ODAD2: variants seen among roughly 807,000 people sequenced by gnomAD.
The protein encoded by ODAD2 is outer dynein arm-docking complex subunit 2.
A neutral mutation model predicts 106.8 loss-of-function variants in ODAD2; 89 were observed. That is an observed-to-expected ratio of 0.83 (90% CI 0.70 to 0.99). ODAD2 has a LOEUF of 0.99. Ranked by LOEUF, ODAD2 falls within the 50% of genes least tolerant of loss-of-function variation. The pLI, the probability that ODAD2 is intolerant of heterozygous loss-of-function variation, is 0.00. For synonymous variants in ODAD2, 404 were observed against 436.2 expected (o/e 0.93, Z 0.92); for missense variants, 1,168 against 1,238.5 (o/e 0.94, Z 0.85).
At chr10:27,820,716 A>G (rs947781964) in intron 19 of ODAD2, among the ~76,000 whole-genome samples, 4 of 150,046 alleles carry the variant, frequency 2.7e-5, no homozygotes, top group Admixed American at 2.7e-4. Flanking sequence ...GCTTCATTCT[A>G]TATCCCATAT....
intron 17 of ODAD2, among the ~76,000 whole-genome samples, chr10:27,883,957 A>G (rs1335052171): frequency 6.6e-6 from 1 of 151,806 alleles, no homozygotes; most frequent in Non-Finnish European, 1.5e-5. Flanking sequence ...GCCAACATAC[A>G]CATATGAGCA....
intron 10 of ODAD2, chr10:27,958,712 T>C (rs1192402556): frequency 1.0e-5 from 5 of 489,858 alleles, no homozygotes; most frequent in Non-Finnish European, 1.6e-5. Context: ...CTAACTACTT[T>C]GTGCTAAGCA....
chr10:27,871,310 G>A (rs1456778999), intron 17 of ODAD2, among the ~76,000 whole-genome samples: 19 of 152,160 alleles, frequency 1.2e-4, no homozygotes, highest in Admixed American at 1.2e-3. Context: ...TAGGTTGCCT[G>A]TTCACTCTGA....
chr10:27,874,865 G>A lies in ODAD2; in HGVS notation c.2611-12243C>T, dbSNP rs1436540393. On this transcript the variant is annotated intron_variant, in intron 17 of 19. Coordinates refer to ENST00000305242, the MANE Select transcript of ODAD2 (RefSeq NM_018076.5). ...TGCTCTTTTCGAGGAGTATCTTTGTGGTGTTCTCTGTATTTCCTGAATTTG... is the reference window on the plus strand; with the variant it reads ...TGCTCTTTTCGAGGAGTATCTTTGTAGTGTTCTCTGTATTTCCTGAATTTG... Among the ~76,000 whole-genome samples, 4 of 152,024 alleles carry A rather than the reference G, an allele frequency of 2.6e-5. No individual in the cohort carries two copies. The East Asian group carries it at 7.7e-4, about 29-fold the overall frequency.
At chr10:27,815,434 C>G (rs1318291589) in intron 19 of ODAD2, among the ~76,000 whole-genome samples, 1 of 152,174 alleles carries the variant, frequency 6.6e-6, no homozygotes, top group Non-Finnish European at 1.5e-5. Context: ...AAATTCCATC[C>G]CACTGACTCC....
At chr10:27,949,110 G>T (rs116828316) in intron 10 of ODAD2, among the ~76,000 whole-genome samples, 349 of 152,120 alleles carry the variant, frequency 2.3e-3, no homozygotes, top group African/African-American at 8.0e-3. Context: ...TTGCTAAGTT[G>T]AAATGAGCAA....
intron 17 of ODAD2, among the ~76,000 whole-genome samples, chr10:27,874,388 C>T (rs534955652): frequency 6.6e-6 from 1 of 152,224 alleles, no homozygotes; most frequent in Non-Finnish European, 1.5e-5. Context: ...GTGATTTGAT[C>T]CTGTCATTGT....
chr10:27,980,535 A>G (rs532798471), intron 7 of ODAD2, among the ~76,000 whole-genome samples: 2 of 152,300 alleles, frequency 1.3e-5, no homozygotes, highest in Non-Finnish European at 2.9e-5. Context: ...TTTCTTCAAA[A>G]AAGATATACA....
At chr10:27,837,214 A>G (rs761864532) in intron 19 of ODAD2, among the ~76,000 whole-genome samples, 1 of 152,220 alleles carries the variant, frequency 6.6e-6, no homozygotes, top group Non-Finnish European at 1.5e-5. Context: ...CTGTGACCAC[A>G]TGGTCCCGTA....
Position 27,983,908 on chromosome 10 carries a change from C to T in ODAD2, c.754G>A (p.Val252Met). The change falls in exon 6 of 20, where the codon GTG (valine) becomes ATG (methionine). Residue 252 changes from valine to methionine, a missense_variant. Physicochemically the swap from Val to Met is conservative, Grantham distance 21 (BLOSUM62 1). Coordinates refer to ENST00000305242, the MANE Select transcript of ODAD2 (RefSeq NM_018076.5). ...QIRGEICYVLVKPHDGETLCI... is the reference protein window; with the variant it reads ...QIRGEICYVLMKPHDGETLCI... ...AGAGTCTCACCATCGTGAGGTTTCA[C>T]CAGCACATAACAAATTTCCCCACGA... 1 of 1,609,468 alleles carries T rather than the reference C, an allele frequency of 6.2e-7. No homozygotes were observed. The highest frequency in any genetic ancestry group is 8.5e-7 in the Non-Finnish European group (1 of 1,178,874).
intron 19 of ODAD2, among the ~76,000 whole-genome samples, chr10:27,831,700 T>C (rs1837489875): frequency 6.6e-6 from 1 of 152,200 alleles, no homozygotes; most frequent in African/African-American, 2.4e-5. Flanking sequence ...CCTGGCCTCA[T>C]TCTTGGATGC....
At position 27,971,317 on chromosome 10, in the gene ODAD2, T is replaced by C. The variant is rs759657003; in HGVS notation, c.937-4A>G. 1 of 1,581,316 alleles carries C rather than the reference T, an allele frequency of 6.3e-7. No homozygotes were observed. The highest frequency in any genetic ancestry group is 2.2e-5 in the East Asian group (1 of 44,614). On this transcript the variant is annotated splice_region_variant and splice_polypyrimidine_tract_variant and intron_variant, in intron 7 of 19. Coordinates refer to ENST00000305242, the MANE Select transcript of ODAD2 (RefSeq NM_018076.5). ...GGTCTTCACTGAAGCTAATTCCCTT[T>C]ATTTAAAAAATGAGAATAATTTTTA...
chr10:27,843,204 A>G (rs1392900268), intron 19 of ODAD2, among the ~76,000 whole-genome samples: 1 of 152,214 alleles, frequency 6.6e-6, no homozygotes, highest in African/African-American at 2.4e-5. Flanking sequence ...AATAAGCTGA[A>G]GCTGTTTACT....
intron 17 of ODAD2, among the ~76,000 whole-genome samples, chr10:27,876,440 G>A (rs968811975): frequency 3.3e-5 from 5 of 152,184 alleles, no homozygotes; most frequent in African/African-American, 1.2e-4. Flanking sequence ...AACAGCGTCT[G>A]GAGTGGACCT....
chr10:27,970,770 T>C (rs1027743827), intron 8 of ODAD2, among the ~76,000 whole-genome samples: 3 of 151,974 alleles, frequency 2.0e-5, no homozygotes, highest in Admixed American at 1.3e-4. Context: ...TTGAGACCAG[T>C]CTGGCCAACA....
chr10:27,916,547 C>G (rs1239114269), intron 16 of ODAD2, among the ~76,000 whole-genome samples: 2 of 152,128 alleles, frequency 1.3e-5, no homozygotes, highest in Admixed American at 6.6e-5. Flanking sequence ...TCTGCCACCC[C>G]TGAGACAGCA....
chr10:27,870,005 A>G (rs1313884004), intron 17 of ODAD2, among the ~76,000 whole-genome samples: 1 of 152,124 alleles, frequency 6.6e-6, no homozygotes, highest in Non-Finnish European at 1.5e-5. Flanking sequence ...ATATATATAT[A>G]TATAGTTGGA....
intron 17 of ODAD2, among the ~76,000 whole-genome samples, chr10:27,867,483 T>C (rs1040406978): frequency 1.3e-5 from 2 of 151,866 alleles, no homozygotes; most frequent in African/African-American, 4.8e-5. Flanking sequence ...GCAGAGACAC[T>C]GGGATGAAGG....
chr10:27,934,994 C>T lies in ODAD2; in HGVS notation c.2495+16G>A, dbSNP rs183424928. On this transcript the variant is annotated intron_variant, in intron 16 of 19. Transcript: ENST00000305242. ...TAACACTTATATAAAATCTTTCCAT[C>T]TCCAGGGCCACTTACATCATACTTT... The T allele has an allele frequency of 6.2e-7, 1 of 1,613,562 alleles. No homozygotes were observed. Among genetic ancestry groups the T allele is most frequent in the East Asian group, 2.2e-5 (1 of 44,864 alleles).
Sources: gnomAD v4.1 joint callset for allele counts (sites outside exome capture counted in the v4.1 genomes callset) on GRCh38, gnomAD v4.1.1 for gene constraint, MANE v1.5 for transcripts, NCBI Gene and HGNC (gene_info 2026-07-23, HGNC 2026-07-21) for gene names.